Variants in OSBP2 observed in about 807,000 individuals in gnomAD.
OSBP2 encodes the protein oxysterol-binding protein 2.
In OSBP2, 66 loss-of-function variants were observed where a neutral mutation model predicts 96.0. The observed-to-expected ratio is 0.69, with a 90% CI of 0.56 to 0.84. The LOEUF (loss-of-function observed/expected upper bound fraction) is 0.84. OSBP2 is among the 40% of genes least tolerant of loss of function. The pLI is 0.00. For missense variants in OSBP2, 1,038 were observed against 1,222.7 expected (o/e 0.85, Z 2.25); for synonymous variants, 525 against 520.9 (o/e 1.01, Z -0.11).
intron 2 of OSBP2, among the ~76,000 whole-genome samples, chr22:30,758,795 T>C (rs1173526306): frequency 6.6e-6 from 1 of 151,918 alleles, no homozygotes; most frequent in Non-Finnish European, 1.5e-5. Context: ...TAGCCCCCGA[T>C]ATAGGTGTGG....
intron 2 of OSBP2, among the ~76,000 whole-genome samples, chr22:30,798,699 G>A (rs895062766): frequency 6.6e-6 from 1 of 152,122 alleles, no homozygotes; most frequent in Non-Finnish European, 1.5e-5. Context: ...CTACTGAATG[G>A]TCTTGGCACA....
chr22:30,835,718 CTTT>C (rs538763182), intron 2 of OSBP2, among the ~76,000 whole-genome samples: 2 of 132,110 alleles, frequency 1.5e-5, no homozygotes, highest in Admixed American at 7.7e-5. Flanking sequence ...TATGTAGTTA[CTTT>C]TTTTTTTTTT....
chr22:30,902,150 A>AC (rs915908785), intron 12 of OSBP2: 8 of 434,934 alleles, frequency 1.8e-5, no homozygotes, highest in African/African-American at 4.4e-5. Context: ...CAAAAAAAAA[A>AC]AACAGAGGGT....
At chr22:30,694,602 G>A (rs2088984148), upstream of OSBP2, among the ~76,000 whole-genome samples, 2 of 149,048 alleles carry the variant, frequency 1.3e-5, no homozygotes, top group South Asian at 4.3e-4. Context: ...CCGAAGCAGA[G>A]ACCGTGGCCT....
intron 2 of OSBP2, among the ~76,000 whole-genome samples, chr22:30,792,793 G>A (rs1238753900): frequency 6.6e-6 from 1 of 152,196 alleles, no homozygotes; most frequent in Non-Finnish European, 1.5e-5. Flanking sequence ...CCAGCACTGT[G>A]AGGGCCACAG....
At position 30,906,603 on chromosome 22, in the gene OSBP2, C is replaced by A; in HGVS notation, c.*264C>A. The A allele has an allele frequency of 2.9e-6, 1 of 347,298 alleles. No individual in the cohort carries two copies. The highest frequency in any genetic ancestry group is 5.1e-6 in the Non-Finnish European group (1 of 194,448). The allele number at this position is 347,298 out of a possible 1,614,324, so 21.5% of individuals were successfully genotyped here. Reference sequence around the variant, plus strand: ...GACCTGGGCCCTACCGGAACCCCTGCCCCAGTTACCACAACTCAGGCCGGC... The same window carrying A: ...GACCTGGGCCCTACCGGAACCCCTGACCCAGTTACCACAACTCAGGCCGGC... On this transcript the variant is annotated 3_prime_UTR_variant, in exon 14 of 14. Coordinates refer to ENST00000332585, the MANE Select transcript of OSBP2 (RefSeq NM_030758.4).
chr22:30,902,841 C>G, intron 12 of OSBP2: 1 of 330,338 alleles, frequency 3.0e-6, no homozygotes. Flanking sequence ...GCCTGGTGAA[C>G]CCCTGGGCCA....
intron 3 of OSBP2, among the ~76,000 whole-genome samples, chr22:30,873,979 GT>G (rs1165366564): frequency 6.6e-6 from 1 of 152,230 alleles, no homozygotes; most frequent in Non-Finnish European, 1.5e-5. Flanking sequence ...GCTCACACCT[GT>G]AATCCCAACA....
intron 3 of OSBP2, among the ~76,000 whole-genome samples, chr22:30,877,149 T>TGA (rs145570845): frequency 0.038 from 5,734 of 149,944 alleles, 194 homozygotes; most frequent in African/African-American, 0.082. Context: ...CCTCAGCAAA[T>TGA]GAGAGAGAGA....
At chr22:30,701,647 A>G (rs945654279) in intron 1 of OSBP2, among the ~76,000 whole-genome samples, 3 of 152,060 alleles carry the variant, frequency 2.0e-5, no homozygotes, top group Non-Finnish European at 2.9e-5. Flanking sequence ...CCAGCCTTCA[A>G]TGTCAATTTT....
intron 2 of OSBP2, among the ~76,000 whole-genome samples, chr22:30,857,179 G>C (rs2039096196): frequency 6.6e-6 from 1 of 152,196 alleles, no homozygotes. Flanking sequence ...AAGCGATGGG[G>C]GTGACTGCCC....
intron 1 of OSBP2, among the ~76,000 whole-genome samples, chr22:30,737,102 G>T (rs2089867431): frequency 6.6e-6 from 1 of 152,042 alleles, no homozygotes; most frequent in African/African-American, 2.4e-5. Context: ...TGCACCCTCT[G>T]CCTCCTGGAT....
intron 2 of OSBP2, among the ~76,000 whole-genome samples, chr22:30,760,471 G>C (rs1468551935): frequency 6.6e-6 from 1 of 152,198 alleles, no homozygotes; most frequent in Non-Finnish European, 1.5e-5. Context: ...TTTCATGCTA[G>C]GAGTGCAAGA....
chr22:30,694,794 GA>G, upstream of OSBP2: 1 of 585,848 alleles, frequency 1.7e-6, no homozygotes, highest in Non-Finnish European at 2.1e-6. Context: ...GACCGCGGAG[GA>G]ACCCGCGCGC....
chr22:30,887,546 C>A lies in OSBP2; in HGVS notation c.1228C>A (p.His410Asn). 1 of 1,613,498 alleles carries A rather than the reference C, an allele frequency of 6.2e-7. No homozygotes were observed. Among genetic ancestry groups the A allele is most frequent in the Non-Finnish European group, 8.5e-7 (1 of 1,179,992 alleles). ...EETIEQLAKQ[H>N]NSLERAFHSA... ...AACCATTGAGCAGCTGGCGAAGCAG[C>A]ACAACAGCCTCGAGCGGGCCTTCCA... Residue 410 changes from histidine (H) to asparagine (N), a missense_variant, in exon 4 of 14, where the codon CAC becomes AAC. By Grantham distance (68) the His-to-Asn change is moderately conservative (BLOSUM62 1). Around this residue, in one of 3 missense-constraint regions of OSBP2, gnomAD observed 737 missense variants for 913.3 expected, o/e 0.81. Transcript: ENST00000332585.
At chr22:30,799,057 T>TTTCCTTCCTTCCTTCCTTCCTTCCTTCC (rs1159820708) in intron 2 of OSBP2, among the ~76,000 whole-genome samples, 1 of 120,256 alleles carries the variant, frequency 8.3e-6, no homozygotes, top group African/African-American at 3.1e-5. Context: ...CATGCAAAGG[T>TTTCCTTCCTTCCTTCCTTCCTTCCTTCC]TTCCTTCCTT....
intron 2 of OSBP2, among the ~76,000 whole-genome samples, chr22:30,837,413 C>G (rs1414784691): frequency 2.6e-5 from 4 of 152,148 alleles, no homozygotes; most frequent in African/African-American, 9.7e-5. Flanking sequence ...TTGCTGGGGT[C>G]CCGCTCGTCC....
intron 3 of OSBP2, among the ~76,000 whole-genome samples, chr22:30,883,301 C>T (rs1246737216): frequency 6.6e-6 from 1 of 152,234 alleles, no homozygotes; most frequent in Admixed American, 6.5e-5. Context: ...CTAGACAGAC[C>T]TGGGATCCCA....
At chr22:30,887,081 G>A (rs1413118922) in intron 3 of OSBP2, among the ~76,000 whole-genome samples, 2 of 152,154 alleles carry the variant, frequency 1.3e-5, no homozygotes, top group Admixed American at 6.5e-5. Context: ...TTAGACCATA[G>A]AGGATGACTT....
Sources: gnomAD v4.1 joint callset for allele counts (sites outside exome capture counted in the v4.1 genomes callset) on GRCh38, gnomAD v4.1.1 for gene constraint, gnomAD v4.1.1 regional missense constraint, MANE v1.5 for transcripts, NCBI Gene and HGNC (gene_info 2026-07-23, HGNC 2026-07-21) for gene names.